The following HIPK3 variants were observed in gnomAD, a reference collection of about 807,000 sequenced individuals.
The protein encoded by HIPK3 is homeodomain-interacting protein kinase 3.
In HIPK3, 47 loss-of-function variants were observed where a neutral mutation model predicts 124.2. The ratio of observed to expected loss-of-function variants is 0.38; its 90% CI spans 0.30 to 0.48. HIPK3 has a LOEUF of 0.48. Among genes scored for constraint, HIPK3 ranks in the 20% least tolerant of loss-of-function variants. The pLI, the probability that HIPK3 is intolerant of heterozygous loss-of-function variation, is 0.98. For synonymous variants in HIPK3, 482 were observed against 515.2 expected (o/e 0.94, Z 0.87); for missense variants, 1,286 against 1,454.3 (o/e 0.88, Z 1.88).
At chr11:33,317,482 G>A (rs751361982) in intron 2 of HIPK3, among the ~76,000 whole-genome samples, 4 of 151,848 alleles carry the variant, frequency 2.6e-5, no homozygotes, top group Non-Finnish European at 5.9e-5. Context: ...ATCTGAGGTG[G>A]TCTTGACCTC....
At position 33,339,069 on chromosome 11, in the gene HIPK3, G is replaced by T. The variant is rs1005421076; in HGVS notation, c.1428+226G>T. Among the ~76,000 whole-genome samples the T allele has an allele frequency of 2.6e-5, 4 of 152,092 alleles. 1 individual carries two copies. Among genetic ancestry groups the T allele is most frequent in the African/African-American group, 9.7e-5 (4 of 41,418 alleles). On this transcript the variant is annotated intron_variant, in intron 5 of 16. Coordinates refer to ENST00000303296, the MANE Select transcript of HIPK3 (RefSeq NM_005734.5). ...TTCGTTCTTTAGTAAAAAAGTTTTT[G>T]CTTTGAAAGGAAAAATCCTAGCCAA...
intron 2 of HIPK3, among the ~76,000 whole-genome samples, chr11:33,288,111 T>C (rs796633110): frequency 4.6e-5 from 7 of 152,286 alleles, no homozygotes; most frequent in African/African-American, 1.4e-4. Flanking sequence ...TTTGAGATGC[T>C]CAACCTGTAT....
intron 1 of HIPK3, among the ~76,000 whole-genome samples, chr11:33,258,139 TG>T (rs1036961541): frequency 1.3e-5 from 2 of 151,974 alleles, no homozygotes; most frequent in African/African-American, 4.8e-5. Flanking sequence ...CGCCAGGCCC[TG>T]GGCCGCCGGA....
rs1394355323 is a variant in HIPK3 at position 33,257,387 on chromosome 11, A to G, written c.-505A>G. ...GCCCGAGGCTGGGGCGGCTGGTGGC[A>G]GCTGCCTCAGTGACGACTGCCGGCA... On this transcript the variant is annotated 5_prime_UTR_variant, in exon 1 of 17. Transcript: ENST00000303296. 1 of 984,998 alleles carries G rather than the reference A, an allele frequency of 1.0e-6. No homozygotes were observed. Among genetic ancestry groups the G allele is most frequent in the Non-Finnish European group, 1.2e-6 (1 of 829,752 alleles). The allele number at this position is 984,998 out of a possible 1,614,324, so 61.0% of individuals were successfully genotyped here. A position where few individuals can be genotyped will look rare whatever the true frequency, so the allele number is the denominator to read the frequency against.
In HIPK3 at chr11:33,347,869, G is replaced by A. The variant is rs1349824953; in HGVS notation, c.2162G>A (p.Ser721Asn). The A allele has an allele frequency of 1.9e-6, 3 of 1,614,152 alleles. No individual in the cohort carries two copies. Among genetic ancestry groups the A allele is most frequent in the Non-Finnish European group, 1.7e-6 (2 of 1,180,008 alleles). ...LGDWGKMISC[S>N]NHYNSVMPQP... Reference sequence around the variant, plus strand: ...CTCCCTAGGAAGATGATTTCATGCAGCAATCATTATAACTCAGTGATGCCG... The same window carrying A: ...CTCCCTAGGAAGATGATTTCATGCAACAATCATTATAACTCAGTGATGCCG... The change falls in exon 11 of 17, where the codon AGC becomes AAC. Residue 721 changes from serine (S) to asparagine (N), a missense_variant. By Grantham distance (46) the Ser-to-Asn change is conservative. Around this residue, in one of 3 missense-constraint regions of HIPK3, gnomAD observed 810 missense variants for 864.9 expected, o/e 0.94. Coordinates refer to ENST00000303296, the MANE Select transcript of HIPK3 (RefSeq NM_005734.5).
At chr11:33,286,242 T>A (rs745969504) in intron 1 of HIPK3, among the ~76,000 whole-genome samples, 171 bp from the exon 2 acceptor site, 10 of 152,154 alleles carry the variant, frequency 6.6e-5, no homozygotes, top group Non-Finnish European at 1.3e-4. Flanking sequence ...AAGATAGTTA[T>A]CTTCTCCAAG....
In HIPK3 at chr11:33,339,701, A is replaced by G. The variant is rs551342205; in HGVS notation, c.1613+167A>G. Reference sequence around the variant, plus strand: ...ATACACCAGTAAGTGTCAGGGAACTAGAACCCAAGTCTGAATTGCAGTCCA... The same window carrying G: ...ATACACCAGTAAGTGTCAGGGAACTGGAACCCAAGTCTGAATTGCAGTCCA... On this transcript the variant is annotated intron_variant, in intron 6 of 16. Coordinates refer to ENST00000303296, the MANE Select transcript of HIPK3 (RefSeq NM_005734.5). 3.9e-5 allele frequency among the ~76,000 whole-genome samples: 6 copies of G among 152,360 alleles called. No homozygotes were observed. In the South Asian group the frequency reaches 1.0e-3, roughly 26 times the overall value.
chr11:33,302,710 GAAT>G (rs1184932305), intron 2 of HIPK3, among the ~76,000 whole-genome samples: 4 of 152,118 alleles, frequency 2.6e-5, no homozygotes, highest in African/African-American at 4.8e-5. Flanking sequence ...AAGAAGATAA[GAAT>G]AATAATATAA....
chr11:33,304,049 C>T (rs1202159138), intron 2 of HIPK3, among the ~76,000 whole-genome samples: 3 of 152,066 alleles, frequency 2.0e-5, no homozygotes, highest in African/African-American at 4.8e-5. Context: ...CATGCGATTC[C>T]TCTGCCTCAG....
intron 11 of HIPK3, 38 bp downstream of exon 11, chr11:33,348,051 G>C: frequency 3.1e-6 from 5 of 1,612,292 alleles, no homozygotes; most frequent in Non-Finnish European, 4.2e-6. Context: ...TGCATTTTGA[G>C]AATCTTTTAA....
chr11:33,260,970 T>C (rs1169833679), intron 1 of HIPK3, among the ~76,000 whole-genome samples: 3 of 125,544 alleles, frequency 2.4e-5, no homozygotes, highest in African/African-American at 8.6e-5. Context: ...TCAGTGTGTT[T>C]ATTTTTTAAA....
intron 3 of HIPK3, among the ~76,000 whole-genome samples, chr11:33,334,504 G>T (rs1853079952): frequency 6.6e-6 from 1 of 152,114 alleles, no homozygotes; most frequent in Non-Finnish European, 1.5e-5. Flanking sequence ...TAGTTGGAGG[G>T]CCTGTTTGCT....
chr11:33,319,472 G>A, intron 2 of HIPK3, among the ~76,000 whole-genome samples: 1 of 150,668 alleles, frequency 6.6e-6, no homozygotes, highest in South Asian at 2.1e-4. Context: ...CTCCAGCCTG[G>A]GCAAAAAGAG....
At chr11:33,266,055 T>A (rs1590337117) in intron 1 of HIPK3, among the ~76,000 whole-genome samples, 1 of 121,192 alleles carries the variant, frequency 8.3e-6, no homozygotes, top group African/African-American at 3.2e-5. Context: ...TGAGACTCCA[T>A]CTCAAAAAAA....
intron 1 of HIPK3, among the ~76,000 whole-genome samples, chr11:33,272,843 C>T (rs1158831453): frequency 2.1e-5 from 1 of 48,426 alleles, no homozygotes; most frequent in Non-Finnish European, 4.4e-5. Context: ...CCTCCCCTCC[C>T]GTTCCCTCCT....
At position 33,293,724 on chromosome 11, in the gene HIPK3, T is replaced by A. The variant is rs369525077; in HGVS notation, c.1097+6213T>A. Among the ~76,000 whole-genome samples the A allele has an allele frequency of 8.5e-5, 13 of 152,306 alleles. No individual in the cohort carries two copies. The East Asian group carries it at 2.5e-3, about 29-fold the overall frequency. On this transcript the variant is annotated intron_variant, in intron 2 of 16. Transcript: ENST00000303296. ...TGAAAAGATATGTGAATAGAAACTG[T>A]AATATGGTCCAAGATTAAATATCAA... is the stretch of plus-strand genomic sequence containing the variant.
At position 33,271,912 on chromosome 11, in the gene HIPK3, TAACATA is replaced by T. The variant is rs201406224; in HGVS notation, c.-3+14026_-3+14031del. ...GCATTGATAGTGTGACTTTTTACAC[TAACATA>T]AAGAAAAAATCTGTTTTTCTATGAC... On this transcript the variant is annotated intron_variant, in intron 1 of 16. Transcript: ENST00000303296. 6.1e-4 allele frequency among the ~76,000 whole-genome samples: 93 copies of T among 152,334 alleles called. No homozygotes were observed. The East Asian group carries it at 0.015, about 25-fold the overall frequency.
At chr11:33,285,607 G>A (rs1040778784) in intron 1 of HIPK3, among the ~76,000 whole-genome samples, 2 of 150,996 alleles carry the variant, frequency 1.3e-5, no homozygotes, top group African/African-American at 4.9e-5. Flanking sequence ...AGTTAAAGCA[G>A]ACATAGATTT....
chr11:33,273,720 G>C (rs1851200447), intron 1 of HIPK3, among the ~76,000 whole-genome samples: 1 of 152,042 alleles, frequency 6.6e-6, no homozygotes, highest in South Asian at 2.1e-4. Flanking sequence ...TTGGAAAATA[G>C]AAACAGTTGA....
Sources: gnomAD v4.1 joint callset for allele counts (sites outside exome capture counted in the v4.1 genomes callset) on GRCh38, gnomAD v4.1.1 for gene constraint, gnomAD v4.1.1 regional missense constraint, MANE v1.5 for transcripts, NCBI Gene and HGNC (gene_info 2026-07-23, HGNC 2026-07-21) for gene names.